Variants in GHITM observed in about 807,000 individuals in gnomAD.
GHITM encodes the protein growth hormone inducible transmembrane protein.
In GHITM, 24 loss-of-function variants were observed where a neutral mutation model predicts 38.7. That is an observed-to-expected ratio of 0.62 (90% CI 0.45 to 0.87). The LOEUF is 0.87. Ranked by LOEUF, GHITM falls within the 40% of genes least tolerant of loss-of-function variation. The probability of loss-of-function intolerance (pLI) is 0.00; values close to 1 mark genes in which losing one functional copy is unlikely to be tolerated. For missense variants in GHITM, 420 were observed against 429.8 expected, an observed-to-expected ratio of 0.98 and a Z score of 0.20; for synonymous variants, 154 against 147.8, an observed-to-expected ratio of 1.04 and a Z score of -0.30.
chr10:84,140,211 A>C (rs1841492616), intron 1 of GHITM: 1 of 152,230 alleles, frequency 6.6e-6, no homozygotes, highest in Admixed American at 6.5e-5. Context: ...AGTACTGAGG[A>C]AGATACAGGA....
intron 6 of GHITM, 69 bp downstream of exon 6, chr10:84,148,907 T>A: frequency 1.2e-6 from 1 of 853,430 alleles, no homozygotes; most frequent in South Asian, 1.4e-5. Flanking sequence ...TCTTCACAGT[T>A]GTAAATGACC....
rs967894679 is a variant in GHITM at position 84,144,024 on chromosome 10, G to A, written c.259G>A (p.Gly87Arg). 1 of 1,613,904 alleles carries A rather than the reference G, an allele frequency of 6.2e-7. No individual in the cohort carries two copies. Residue 87 changes from glycine to arginine, a missense_variant, in exon 4 of 9, where the codon GGA becomes AGA. Physicochemically the swap from Gly to Arg is moderately radical, Grantham distance 125. Coordinates refer to ENST00000372134, the MANE Select transcript of GHITM (RefSeq NM_014394.3). The part of the protein sequence containing the change: ...IDQMGRWFVA[G>R]GAAVGLGALC... ...TCAGATGGGAAGATGGTTTGTTGCT[G>A]GAGGGGCTGCTGTTGGTCTTGGAGC...
intron 6 of GHITM, among the ~76,000 whole-genome samples, chr10:84,149,155 G>T (rs1301886368): frequency 6.6e-6 from 1 of 152,142 alleles, no homozygotes; most frequent in Non-Finnish European, 1.5e-5. Context: ...TTTTTGTCTG[G>T]TATGTTTAGA....
chr10:84,141,439 GT>G, intron 1 of GHITM, 22 bp from the exon 2 acceptor site: 1 of 1,555,528 alleles, frequency 6.4e-7, no homozygotes, highest in Non-Finnish European at 8.8e-7. Flanking sequence ...TTTTTGGTTG[GT>G]TTTGCCTTTT....
In GHITM at chr10:84,144,085, T is replaced by C. The variant is rs756538247; in HGVS notation, c.320T>C (p.Ile107Thr). Residue 107 changes from isoleucine (I) to threonine (T), a missense_variant, in exon 4 of 9, where the codon ATT (isoleucine) becomes ACT (threonine). By Grantham distance (89) the Ile-to-Thr change is moderately conservative. Coordinates refer to ENST00000372134, the MANE Select transcript of GHITM (RefSeq NM_014394.3). ...TATGGCTTGGGACTGTCTAATGAGA[T>C]TGGAGCTATTGAAAAGGCTGTGTAA... ...CYYGLGLSNE[I>T]GAIEKAVIWP... 9.3e-6 allele frequency: 15 copies of C among 1,610,474 alleles called. No homozygotes were observed. The highest frequency in any genetic ancestry group is 8.3e-5 in the Admixed American group (5 of 60,010).
intron 6 of GHITM, among the ~76,000 whole-genome samples, chr10:84,149,587 A>G (rs1379515815): frequency 3.3e-5 from 5 of 152,230 alleles, no homozygotes; most frequent in Non-Finnish European, 5.9e-5. Context: ...TTACTTATTT[A>G]TAAGCTGTTA....
Position 84,151,676 on chromosome 10 carries a change from A to C in GHITM, c.954-588A>C, listed in dbSNP as rs1841613450. Among the ~76,000 whole-genome samples, 2 of 152,200 alleles carry C rather than the reference A, an allele frequency of 1.3e-5. 1 individual carries two copies. Among genetic ancestry groups the C allele is most frequent in the Admixed American group, 1.3e-4 (2 of 15,284 alleles). ...GAGATATGCAACTTTAGTTGGTATT[A>C]ATTGTTATTATGTTTTTTTCTTTTT... is the stretch of plus-strand genomic sequence containing the variant. On this transcript the variant is annotated intron_variant, in intron 8 of 8. Transcript: ENST00000372134.
At chr10:84,148,023 G>A (rs11595523) in intron 5 of GHITM, among the ~76,000 whole-genome samples, 19,217 of 152,016 alleles carry the variant, frequency 0.13, 1,316 homozygotes, top group Admixed American at 0.15. Context: ...TAAAGAAAAT[G>A]CTATTTGTGC....
intron 5 of GHITM, among the ~76,000 whole-genome samples, chr10:84,146,573 C>T (rs1589275924): frequency 6.6e-6 from 1 of 152,162 alleles, no homozygotes; most frequent in Non-Finnish European, 1.5e-5. Context: ...TTCACATAGA[C>T]GTCATGAATC....
At chr10:84,145,133 AAAT>A in intron 5 of GHITM, 117 bp downstream of exon 5, 1 of 704,944 alleles carries the variant, frequency 1.4e-6, no homozygotes, top group South Asian at 3.8e-5. Context: ...GTTTTTGTTC[AAAT>A]AATGTATGAA....
At chr10:84,144,824 C>T in intron 4 of GHITM, 51 bp from the exon 5 acceptor site, 1 of 1,397,966 alleles carries the variant, frequency 7.2e-7, no homozygotes, top group Non-Finnish European at 9.8e-7. Context: ...GTGACTCAAC[C>T]AGAAATCAAA....
In GHITM at chr10:84,150,880, C is replaced by G. The variant is rs1334546110; in HGVS notation, c.953C>G (p.Ser318Trp). 2 of 1,578,488 alleles carry G rather than the reference C, an allele frequency of 1.3e-6. No homozygotes were observed. Among genetic ancestry groups the G allele is most frequent in the Non-Finnish European group, 1.7e-6 (2 of 1,148,974 alleles). Residue 318 changes from serine to tryptophan, a missense_variant and splice_region_variant, in exon 8 of 9, where the codon TCG (serine) becomes TGG (tryptophan). Coordinates refer to ENST00000372134, the MANE Select transcript of GHITM (RefSeq NM_014394.3). ...YGVQKYDPIN[S>W]MLSIYMDTLN... ...GTTCAAAAATATGATCCCATTAACT[C>G]GTAAGTAATGCTTTTTATTTAACAC...
At chr10:84,144,813 TG>T (rs1484325033) in intron 4 of GHITM, 61 bp from the exon 5 acceptor site, 1 of 1,199,346 alleles carries the variant, frequency 8.3e-7, no homozygotes, top group Non-Finnish European at 1.2e-6. Flanking sequence ...CCAGCTAGTG[TG>T]TGACTCAACC....
chr10:84,150,687 T>C (rs1478833645), intron 7 of GHITM, 22 bp from the exon 8 acceptor site: 14 of 1,564,402 alleles, frequency 8.9e-6, no homozygotes, highest in Non-Finnish European at 1.1e-5. Context: ...AAAAAAATCT[T>C]GTTTTCGCAT....
chr10:84,143,848 C>T, intron 3 of GHITM, 147 bp from the exon 4 acceptor site: 1 of 592,620 alleles, frequency 1.7e-6, no homozygotes, highest in Non-Finnish European at 3.1e-6. Flanking sequence ...TACTGGTTAC[C>T]TAACATTGAG....
chr10:84,146,731 GT>G (rs994133457), intron 5 of GHITM, among the ~76,000 whole-genome samples: 14 of 152,312 alleles, frequency 9.2e-5, no homozygotes, highest in African/African-American at 3.1e-4. Flanking sequence ...CTTCAAAGAA[GT>G]TTTGTGTTTG....
rs1348819038 is a variant in GHITM at position 84,152,265 on chromosome 10, A to T, written c.955A>T (p.Met319Leu). 1 of 1,529,622 alleles carries T rather than the reference A, an allele frequency of 6.5e-7. No homozygotes were observed. Among genetic ancestry groups the T allele is most frequent in the Non-Finnish European group, 9.0e-7 (1 of 1,108,944 alleles). 94.8% of individuals were successfully genotyped at this position (1,529,622 alleles called of 1,614,324 possible). Residue 319 changes from methionine to leucine, a missense_variant and splice_region_variant, in exon 9 of 9, where the codon ATG becomes TTG. Physicochemically the swap from Met to Leu is conservative, Grantham distance 15. Coordinates refer to ENST00000372134, the MANE Select transcript of GHITM (RefSeq NM_014394.3). ...GVQKYDPINSMLSIYMDTLNI... is the reference protein window; with the variant it reads ...GVQKYDPINSLLSIYMDTLNI... ...AATGGGCATAATTTTCTTTTCTAGG[A>T]TGCTGAGTATCTACATGGATACATT...
At chr10:84,149,763 G>T (rs932142350) in intron 6 of GHITM, among the ~76,000 whole-genome samples, 21 of 152,266 alleles carry the variant, frequency 1.4e-4, no homozygotes, top group African/African-American at 5.1e-4. Flanking sequence ...GAAACTAGTG[G>T]TAAGCTCAGA....
At chr10:84,143,311 T>C (rs1841526333) in intron 3 of GHITM, among the ~76,000 whole-genome samples, 1 of 152,216 alleles carries the variant, frequency 6.6e-6, no homozygotes, top group Non-Finnish European at 1.5e-5. Context: ...AAAATGTCTT[T>C]ACAGTGGGAG....
Sources: gnomAD v4.1 joint callset for allele counts (sites outside exome capture counted in the v4.1 genomes callset) on GRCh38, gnomAD v4.1.1 for gene constraint, MANE v1.5 for transcripts, NCBI Gene and HGNC (gene_info 2026-07-23, HGNC 2026-07-21) for gene names.